Variants in ROBO2 observed in about 807,000 individuals in gnomAD.
ROBO2 encodes the protein roundabout guidance receptor 2.
In ROBO2, 53 loss-of-function variants were observed where a neutral mutation model predicts 160.8. That is an observed-to-expected ratio of 0.33 (90% CI 0.26 to 0.41). The LOEUF is 0.41. ROBO2 is among the 10% of genes least tolerant of loss of function. The pLI, the probability that ROBO2 is intolerant of heterozygous loss-of-function variation, is 1.00. For missense variants in ROBO2, 1,577 were observed against 1,722.4 expected (o/e 0.92, Z 1.49); for synonymous variants, 664 against 611.7 (o/e 1.09, Z -1.26).
intron 2 of ROBO2, among the ~76,000 whole-genome samples, chr3:77,424,857 A>G (rs2078030807): frequency 6.6e-6 from 1 of 152,198 alleles, no homozygotes; most frequent in African/African-American, 2.4e-5. Context: ...AGCTCCTTCC[A>G]TGAACCTTTG....
intron 1 of ROBO2, among the ~76,000 whole-genome samples, chr3:77,070,553 G>T (rs764526196): frequency 3.3e-5 from 5 of 152,052 alleles, no homozygotes; most frequent in Non-Finnish European, 7.4e-5. Flanking sequence ...TCATACGATG[G>T]CATTGTGGAT....
chr3:77,020,368 A>G (rs1025002364), intron 2 of ROBO2, among the ~76,000 whole-genome samples: 1 of 152,170 alleles, frequency 6.6e-6, no homozygotes, highest in Admixed American at 6.5e-5. Flanking sequence ...GAGAGTGTAA[A>G]TGTTTTGTTT....
intron 2 of ROBO2, among the ~76,000 whole-genome samples, chr3:76,125,223 A>G (rs1576958871): frequency 6.6e-6 from 1 of 152,152 alleles, no homozygotes; most frequent in South Asian, 2.1e-4. Context: ...TGTATGTACC[A>G]CAATTTCTTT....
chr3:76,780,849 A>G (rs1490893082), intron 2 of ROBO2, among the ~76,000 whole-genome samples: 1 of 150,586 alleles, frequency 6.6e-6, no homozygotes, highest in East Asian at 2.0e-4. Context: ...CAGAAAGTGT[A>G]ATGTTTTCAG....
intron 2 of ROBO2, among the ~76,000 whole-genome samples, chr3:76,893,567 G>C (rs1173836086): frequency 6.6e-6 from 1 of 151,202 alleles, no homozygotes; most frequent in Non-Finnish European, 1.5e-5. Context: ...ATATATATGG[G>C]TTATATGCAA....
intron 2 of ROBO2, among the ~76,000 whole-genome samples, chr3:77,219,767 A>G (rs1466887982): frequency 1.3e-5 from 2 of 151,552 alleles, no homozygotes; most frequent in South Asian, 2.1e-4. Flanking sequence ...ATGCTTTGCA[A>G]ATGTTAGCCC....
chr3:76,030,507 A>T (rs1027360653), intron 2 of ROBO2, among the ~76,000 whole-genome samples: 3 of 152,134 alleles, frequency 2.0e-5, no homozygotes, highest in African/African-American at 7.2e-5. Context: ...TAGGTCTAAC[A>T]TGTAAGTCTT....
At position 77,239,306 on chromosome 3, in the gene ROBO2, G is replaced by A. The variant is rs542069245; in HGVS notation, c.388+140966G>A. On this transcript the variant is annotated intron_variant, in intron 2 of 25. Transcript: ENST00000461745. ...AGTGTTGCAGCTCTTAAGGCAGCGC[G>A]TCTAGAGTTGTTCGTTCCTCCCGTC... Among the ~76,000 whole-genome samples the A allele has an allele frequency of 1.5e-3, 222 of 152,062 alleles. 1 individual carries two copies. Among genetic ancestry groups the A allele is most frequent in the Non-Finnish European group, 2.0e-3 (138 of 67,992 alleles).
chr3:77,207,484 C>T (rs919690582), intron 2 of ROBO2, among the ~76,000 whole-genome samples: 4 of 152,124 alleles, frequency 2.6e-5, no homozygotes, highest in African/African-American at 4.8e-5. Context: ...TTTGCTAATG[C>T]TTCTATCTTT....
At chr3:77,621,347 G>T (rs560098871) in intron 22 of ROBO2, among the ~76,000 whole-genome samples, 3 of 152,132 alleles carry the variant, frequency 2.0e-5, no homozygotes, top group South Asian at 2.1e-4. Context: ...GATCGCTTAC[G>T]CCTGGGAAGT....
chr3:76,519,573 T>C (rs976133938), intron 2 of ROBO2, among the ~76,000 whole-genome samples: 4 of 152,074 alleles, frequency 2.6e-5, no homozygotes, highest in Non-Finnish European at 4.4e-5. Flanking sequence ...TCTAAGAAAA[T>C]ATCTAGCATT....
At chr3:77,432,272 T>C (rs559867826) in intron 2 of ROBO2, among the ~76,000 whole-genome samples, 1 of 152,284 alleles carries the variant, frequency 6.6e-6, no homozygotes, top group South Asian at 2.1e-4. Context: ...TACGGGCTTA[T>C]TTTTCCTTTA....
intron 2 of ROBO2, among the ~76,000 whole-genome samples, chr3:76,424,358 C>A (rs1438977089): frequency 6.6e-6 from 1 of 152,044 alleles, no homozygotes; most frequent in African/African-American, 2.4e-5. Context: ...AGTATTCCTA[C>A]AATTGTATTT....
chr3:77,569,370 G>C (rs919527887), intron 13 of ROBO2, among the ~76,000 whole-genome samples: 3 of 151,768 alleles, frequency 2.0e-5, no homozygotes, highest in Non-Finnish European at 4.4e-5. Flanking sequence ...TACCCGTTCT[G>C]GTGAGTGTGT....
rs143849095 is a variant in ROBO2, at chr3:77,221,110, G to C, written c.388+122770G>C. 5.6e-3 allele frequency among the ~76,000 whole-genome samples: 858 copies of C among 152,272 alleles called. 37 individuals carry two copies. Among genetic ancestry groups the C allele is most frequent in the Admixed American group, 0.051 (785 of 15,288 alleles). ...AAACATCAGTTATATGAACACTGCA[G>C]ACCCACATAGGCCTGGTGTACAGCT... On this transcript the variant is annotated intron_variant, in intron 2 of 25. Transcript: ENST00000461745.
At chr3:76,221,434 CAG>C (rs921547092) in intron 2 of ROBO2, among the ~76,000 whole-genome samples, 8 of 151,410 alleles carry the variant, frequency 5.3e-5, no homozygotes, top group Admixed American at 3.9e-4. Context: ...GTGGGTAACT[CAG>C]GGTGACGGTG....
chr3:76,544,423 A>G (rs1431461524), intron 2 of ROBO2, among the ~76,000 whole-genome samples: 1 of 152,052 alleles, frequency 6.6e-6, no homozygotes, highest in Non-Finnish European at 1.5e-5. Flanking sequence ...AAATGAATCT[A>G]TTTTGACTAG....
intron 2 of ROBO2, among the ~76,000 whole-genome samples, chr3:76,043,209 C>T (rs1204060673): frequency 6.6e-6 from 1 of 150,828 alleles, no homozygotes; most frequent in African/African-American, 2.5e-5. Flanking sequence ...TGTCCATTAA[C>T]GAACATCCCT....
At position 77,602,395 on chromosome 3, in the gene ROBO2, G is replaced by A. The variant is rs751528165; in HGVS notation, c.3040G>A (p.Asp1014Asn). 2.1e-5 allele frequency: 34 copies of A among 1,613,886 alleles called. No individual in the cohort carries two copies. In the Admixed American group the frequency reaches 3.0e-4, roughly 14 times the overall value. Residue 1014 changes from aspartate (D) to asparagine (N), a missense_variant, in exon 20 of 26, where the codon GAT becomes AAT. Around this residue, in one of 2 missense-constraint regions of ROBO2, gnomAD observed 637 missense variants for 586.9 expected, o/e 1.09. Coordinates refer to ENST00000461745, the Ensembl canonical transcript of ROBO2. ...CAACAGCATACATGAATTGGCTGTC[G>A]ATCTGCCTGATCCACAATGGAAAAG...
Sources: allele counts gnomAD v4.1 joint callset (sites outside exome capture counted in the v4.1 genomes callset), GRCh38; gene constraint gnomAD v4.1.1; regional missense constraint gnomAD v4.1.1; transcripts MANE v1.5; gene names NCBI Gene and HGNC (gene_info 2026-07-23, HGNC 2026-07-21).